The following TRIM55 variants were observed in gnomAD, a reference collection of about 807,000 sequenced individuals.
The protein encoded by TRIM55 is tripartite motif containing 55.
Under a neutral mutation model 60.9 loss-of-function variants are expected in TRIM55, and 50 were observed. The ratio of observed to expected loss-of-function variants is 0.82; its 90% CI spans 0.65 to 1.04. The LOEUF (loss-of-function observed/expected upper bound fraction) is 1.04, where lower values mean the gene tolerates loss of function less well. Among genes scored for constraint, TRIM55 ranks in the 50% least tolerant of loss-of-function variants. The pLI is 0.00. For synonymous variants in TRIM55, 237 were observed against 238.1 expected (o/e 1.00, Z 0.04); for missense variants, 681 against 666.9 (o/e 1.02, Z -0.23).
intron 9 of TRIM55, among the ~76,000 whole-genome samples, chr8:66,164,534 TGA>T (rs1190064215): frequency 6.6e-6 from 1 of 152,186 alleles, no homozygotes; most frequent in Non-Finnish European, 1.5e-5. Flanking sequence ...TCCTCTTGGC[TGA>T]GAAAGTCCAA....
At chr8:66,171,750 C>A (rs1400162463) in intron 9 of TRIM55, among the ~76,000 whole-genome samples, 1 of 152,202 alleles carries the variant, frequency 6.6e-6, no homozygotes, top group Non-Finnish European at 1.5e-5. Flanking sequence ...GGAAAAAGAT[C>A]TGCTTTTGAT....
chr8:66,164,933 A>AGAAGGAAGGAAG (rs66566563), intron 9 of TRIM55, among the ~76,000 whole-genome samples: 80 of 149,042 alleles, frequency 5.4e-4, no homozygotes, highest in South Asian at 2.2e-3. Flanking sequence ...GAAGGAGGAA[A>AGAAGGAAGGAAG]GAAGGAAGGA....
chr8:66,114,144 C>T, the TRIM55 span, among the ~76,000 whole-genome samples: 1 of 138,700 alleles, frequency 7.2e-6, no homozygotes, highest in Non-Finnish European at 1.5e-5. Flanking sequence ...GCTCAATGTT[C>T]TGACCCTTCT....
intron 4 of TRIM55, among the ~76,000 whole-genome samples, chr8:66,143,302 G>A (rs1809925971): frequency 6.6e-6 from 1 of 152,192 alleles, no homozygotes; most frequent in Non-Finnish European, 1.5e-5. Context: ...CTAGTGCTGA[G>A]CTTTCAGGGC....
intron 2 of TRIM55, 132 bp from the exon 3 acceptor site, chr8:66,134,858 G>A: frequency 1.1e-5 from 10 of 934,022 alleles, no homozygotes; most frequent in Non-Finnish European, 1.6e-5. Context: ...GGCCCCTGGG[G>A]GTCTTCTGGA....
the TRIM55 span, chr8:66,114,648 T>C: frequency 3.1e-5 from 14 of 456,330 alleles, no homozygotes; most frequent in East Asian, 9.7e-4. Flanking sequence ...AAACGGACGC[T>C]GATTACTTTG....
At chr8:66,146,460 T>C (rs574193143) in intron 4 of TRIM55, among the ~76,000 whole-genome samples, 34 of 152,380 alleles carry the variant, frequency 2.2e-4, no homozygotes, top group Non-Finnish European at 4.4e-4. Context: ...TGTCTCATTG[T>C]AAATGACTTG....
chr8:66,172,359 G>A (rs1235336441), intron 9 of TRIM55, among the ~76,000 whole-genome samples: 1 of 152,148 alleles, frequency 6.6e-6, no homozygotes, highest in Non-Finnish European at 1.5e-5. Context: ...ATATAAACAA[G>A]ACCAAGGAGA....
upstream of TRIM55, among the ~76,000 whole-genome samples, chr8:66,122,142 G>A (rs191101288): frequency 2.6e-5 from 4 of 152,256 alleles, no homozygotes; most frequent in South Asian, 2.1e-4. Flanking sequence ...TATTCATGTT[G>A]GGAAGGGAAA....
At chr8:66,163,931 T>C (rs994255311) in intron 9 of TRIM55, among the ~76,000 whole-genome samples, 1 of 152,226 alleles carries the variant, frequency 6.6e-6, no homozygotes. Flanking sequence ...GTTTTTGCCT[T>C]ATGTGTTTGG....
upstream of TRIM55, among the ~76,000 whole-genome samples, chr8:66,123,731 G>A (rs1272597028): frequency 3.9e-5 from 6 of 152,108 alleles, no homozygotes; most frequent in East Asian, 1.9e-4. Flanking sequence ...AGTGGTACAC[G>A]CCTGTAGTAC....
upstream of TRIM55, chr8:66,127,028 T>A: frequency 2.6e-6 from 1 of 390,798 alleles, no homozygotes. Flanking sequence ...CTCCGTCACC[T>A]GTCAGGATCC....
rs570480097 is a variant in TRIM55, at chr8:66,168,807, G to A, written c.1525-5664G>A. Among the ~76,000 whole-genome samples the A allele has an allele frequency of 8.5e-5, 13 of 152,310 alleles. No individual in the cohort carries two copies. In the South Asian group the frequency reaches 2.7e-3, roughly 32 times the overall value. On this transcript the variant is annotated intron_variant, in intron 9 of 9. Transcript: ENST00000315962. The stretch of plus-strand genomic sequence containing the variant: ...CAAGGCCCCCAATATCTCCTCAATG[G>A]CCTGGCATCAGTCATCCCTCAGGAT...
intron 4 of TRIM55, among the ~76,000 whole-genome samples, chr8:66,145,078 A>G (rs1810030647): frequency 6.6e-6 from 1 of 152,136 alleles, no homozygotes; most frequent in Non-Finnish European, 1.5e-5. Flanking sequence ...TTAGAGGGCA[A>G]ATTGATAACC....
rs541287400 is a variant in TRIM55, at chr8:66,131,069, T to G, written c.341+2593T>G. 2.6e-5 allele frequency among the ~76,000 whole-genome samples: 4 copies of G among 152,134 alleles called. No homozygotes were observed. In the East Asian group the frequency reaches 7.7e-4, roughly 29 times the overall value. On this transcript the variant is annotated intron_variant, in intron 2 of 9. Coordinates refer to ENST00000315962, the MANE Select transcript of TRIM55 (RefSeq NM_184085.2). The stretch of plus-strand genomic sequence containing the variant: ...TTTTGGCTAATATTAATAATTAATA[T>G]AATAATAATTAACTTTAAAATATAA...
intron 7 of TRIM55, among the ~76,000 whole-genome samples, chr8:66,151,871 A>G (rs1245161874): frequency 6.6e-6 from 1 of 150,420 alleles, no homozygotes; most frequent in Non-Finnish European, 1.5e-5. Flanking sequence ...TAAATAAATA[A>G]ATAAATAAAT....
At chr8:66,168,995 A>T (rs1811471762) in intron 9 of TRIM55, among the ~76,000 whole-genome samples, 1 of 152,222 alleles carries the variant, frequency 6.6e-6, no homozygotes, top group South Asian at 2.1e-4. Flanking sequence ...TTAGTGGATC[A>T]GAGTCATGGA....
chr8:66,159,712 A>G (rs1292106666), intron 9 of TRIM55, among the ~76,000 whole-genome samples: 6 of 152,120 alleles, frequency 3.9e-5, no homozygotes, highest in South Asian at 2.1e-4. Flanking sequence ...TATTGTGTCA[A>G]TCTTTCATAT....
intron 4 of TRIM55, among the ~76,000 whole-genome samples, chr8:66,138,790 A>G (rs904546272): frequency 6.6e-6 from 1 of 152,230 alleles, no homozygotes; most frequent in African/African-American, 2.4e-5. Flanking sequence ...TATCTTATAG[A>G]GTTACTATGA....
Sources: allele counts gnomAD v4.1 joint callset (sites outside exome capture counted in the v4.1 genomes callset), GRCh38; gene constraint gnomAD v4.1.1; transcripts MANE v1.5; gene names NCBI Gene and HGNC (gene_info 2026-07-23, HGNC 2026-07-21).